ABCB4: variants seen among roughly 807,000 people sequenced by gnomAD.
The protein encoded by ABCB4 is phosphatidylcholine translocator ABCB4.
ABCB4 carries 76 observed loss-of-function variants against 145.7 expected under a neutral mutation model. That is an observed-to-expected ratio of 0.52 (90% CI 0.43 to 0.63). The LOEUF (loss-of-function observed/expected upper bound fraction) is 0.63, where lower values mean the gene tolerates loss of function less well. Ranked by LOEUF, ABCB4 falls within the 30% of genes least tolerant of loss-of-function variation. ABCB4 has a pLI of 0.00. For synonymous variants in ABCB4, 517 were observed against 566.8 expected (o/e 0.91, Z 1.25); for missense variants, 1,234 against 1,553.1 (o/e 0.79, Z 3.45).
chr7:87,443,813 C>T (rs776355693), intron 10 of ABCB4, 40 bp from the exon 11 acceptor site: 1 of 1,497,604 alleles, frequency 6.7e-7, no homozygotes, highest in Non-Finnish European at 9.3e-7. Flanking sequence ...CATCATAGCA[C>T]AAACAAGTTG....
At chr7:87,393,716 ATG>A in the ABCB4 span, among the ~76,000 whole-genome samples, 1 of 152,210 alleles carries the variant, frequency 6.6e-6, no homozygotes, top group African/African-American at 2.4e-5. Context: ...ATTTAGCACT[ATG>A]TGAATAAGAA....
intron 19 of ABCB4, among the ~76,000 whole-genome samples, chr7:87,419,715 A>C (rs1405103431): frequency 6.6e-6 from 1 of 151,908 alleles, no homozygotes; most frequent in South Asian, 2.1e-4. Flanking sequence ...CAGGTCTTCG[A>C]AATGATAGTG....
At chr7:87,382,410 T>C in the ABCB4 span, 1 of 1,609,170 alleles carries the variant, frequency 6.2e-7, no homozygotes. Flanking sequence ...TTCTTCTTGT[T>C]AGGCATCTGA....
intron 12 of ABCB4, among the ~76,000 whole-genome samples, chr7:87,442,194 T>C (rs1811036695): frequency 6.6e-6 from 1 of 152,076 alleles, no homozygotes; most frequent in South Asian, 2.1e-4. Flanking sequence ...TATTTACACT[T>C]GAACCAACCC....
At chr7:87,392,497 G>A in the ABCB4 span, 2 of 1,220,192 alleles carry the variant, frequency 1.6e-6, no homozygotes, top group Non-Finnish European at 2.4e-6. Context: ...ATTACAATGA[G>A]CTTAGGATTT....
chr7:87,467,455 T>C (rs1432544792), intron 3 of ABCB4, among the ~76,000 whole-genome samples: 1 of 152,150 alleles, frequency 6.6e-6, no homozygotes, highest in Admixed American at 6.5e-5. Flanking sequence ...TGGGAGACTT[T>C]AAGACCCCAC....
At chr7:87,409,012 C>T (rs1419762472) in intron 24 of ABCB4, among the ~76,000 whole-genome samples, 6 of 148,292 alleles carry the variant, frequency 4.0e-5, no homozygotes, top group African/African-American at 1.5e-4. Context: ...CTGGTTTTCC[C>T]TTTTTTTTTT....
chr7:87,409,426 T>G lies in ABCB4; in HGVS notation c.2925-34A>C, dbSNP rs372458542. Reference sequence around the variant, plus strand: ...AAGTAGAGGAATTCAAAAATTAGCTTTTATAATTAACTCCATGATGTTTGA... The same window carrying G: ...AAGTAGAGGAATTCAAAAATTAGCTGTTATAATTAACTCCATGATGTTTGA... On this transcript the variant is annotated intron_variant, in intron 23 of 27. Coordinates refer to ENST00000649586, the MANE Select transcript of ABCB4 (RefSeq NM_000443.4). 113 of 1,609,344 alleles carry G rather than the reference T, an allele frequency of 7.0e-5. No individual in the cohort carries two copies. In the African/African-American group the frequency reaches 1.3e-3, roughly 18 times the overall value.
chr7:87,382,252 G>A, the ABCB4 span: 1 of 1,452,436 alleles, frequency 6.9e-7, no homozygotes, highest in Non-Finnish European at 9.6e-7. Context: ...AAATTTGGCT[G>A]TCATCCAAGC....
chr7:87,383,419 A>G, the ABCB4 span, among the ~76,000 whole-genome samples: 1 of 151,358 alleles, frequency 6.6e-6, no homozygotes, highest in Non-Finnish European at 1.5e-5. Flanking sequence ...AGCCTTACCC[A>G]TGTTGCTGCA....
At chr7:87,434,991 T>C (rs1299642140) in intron 14 of ABCB4, among the ~76,000 whole-genome samples, 1 of 152,202 alleles carries the variant, frequency 6.6e-6, no homozygotes, top group African/African-American at 2.4e-5. Context: ...CTGATCAATG[T>C]ATAAAGGATC....
intron 12 of ABCB4, among the ~76,000 whole-genome samples, 171 bp from the exon 13 acceptor site, chr7:87,440,573 T>A (rs1472770129): frequency 6.6e-6 from 1 of 152,234 alleles, no homozygotes; most frequent in Non-Finnish European, 1.5e-5. Flanking sequence ...TTATGCTCTC[T>A]CCTGATATTT....
At chr7:87,431,358 T>C in intron 15 of ABCB4, 46 bp downstream of exon 15, 1 of 1,612,268 alleles carries the variant, frequency 6.2e-7, no homozygotes, top group Non-Finnish European at 8.5e-7. Context: ...TAAAGAACAC[T>C]ATATTGAGGA....
intron 22 of ABCB4, among the ~76,000 whole-genome samples, chr7:87,412,899 G>A (rs1169282159): frequency 1.3e-5 from 2 of 152,194 alleles, no homozygotes; most frequent in Non-Finnish European, 2.9e-5. Context: ...GGACACAAAG[G>A]TGTAGCTGCA....
At chr7:87,466,058 T>C (rs909639967) in intron 3 of ABCB4, among the ~76,000 whole-genome samples, 3 of 152,190 alleles carry the variant, frequency 2.0e-5, no homozygotes, top group African/African-American at 7.2e-5. Context: ...AGAATGACTT[T>C]GATGAGTTGA....
At chr7:87,454,654 T>G (rs1811993743) in intron 4 of ABCB4, 62 bp from the exon 5 acceptor site, 2 of 1,221,388 alleles carry the variant, frequency 1.6e-6, no homozygotes, top group African/African-American at 1.5e-5. Context: ...CATTGCCAGG[T>G]TTTTAAAAAT....
chr7:87,381,070 G>C, the ABCB4 span, among the ~76,000 whole-genome samples: 1 of 152,108 alleles, frequency 6.6e-6, no homozygotes, highest in Non-Finnish European at 1.5e-5. Context: ...ATAGTGTTAG[G>C]GTGACATTTA....
chr7:87,370,085 A>G, the ABCB4 span, among the ~76,000 whole-genome samples: 7 of 152,230 alleles, frequency 4.6e-5, no homozygotes, highest in Non-Finnish European at 8.8e-5. Context: ...ATAATCTGAC[A>G]TAATATCCTT....
intron 14 of ABCB4, among the ~76,000 whole-genome samples, chr7:87,434,394 A>G (rs1415242567): frequency 6.6e-6 from 1 of 152,152 alleles, no homozygotes; most frequent in Non-Finnish European, 1.5e-5. Context: ...ATAGCATTTT[A>G]TTTATTTTGA....
Sources: gnomAD v4.1 joint callset for allele counts (sites outside exome capture counted in the v4.1 genomes callset) on GRCh38, gnomAD v4.1.1 for gene constraint, MANE v1.5 for transcripts, NCBI Gene and HGNC (gene_info 2026-07-23, HGNC 2026-07-21) for gene names.